Variants in DTNB observed in about 807,000 individuals in gnomAD.
DTNB encodes the protein DTN-B.
In DTNB, 63 loss-of-function variants were observed where a neutral mutation model predicts 90.7. The ratio of observed to expected loss-of-function variants is 0.69; its 90% CI spans 0.57 to 0.86. The LOEUF (loss-of-function observed/expected upper bound fraction) is 0.86. DTNB is among the 40% of genes least tolerant of loss of function. DTNB has a pLI of 0.00. For synonymous variants in DTNB, 277 were observed against 286.7 expected (o/e 0.97, Z 0.34); for missense variants, 744 against 807.1 (o/e 0.92, Z 0.95).
At chr2:25,525,858 T>C (rs2076986771) in intron 9 of DTNB, among the ~76,000 whole-genome samples, 1 of 152,040 alleles carries the variant, frequency 6.6e-6, no homozygotes, top group South Asian at 2.1e-4. Flanking sequence ...CTGGAACCTC[T>C]GAAGGAGGGG....
intron 5 of DTNB, among the ~76,000 whole-genome samples, chr2:25,598,297 C>G (rs969401155): frequency 6.6e-6 from 1 of 152,078 alleles, no homozygotes; most frequent in South Asian, 2.1e-4. Context: ...ATAGAAATCA[C>G]TCTAGAATGG....
At chr2:25,608,766 T>C (rs2067710578) in intron 4 of DTNB, among the ~76,000 whole-genome samples, 1 of 152,092 alleles carries the variant, frequency 6.6e-6, no homozygotes, top group South Asian at 2.1e-4. Flanking sequence ...TTTCCACTAC[T>C]AAAGTACAAA....
intron 19 of DTNB, among the ~76,000 whole-genome samples, chr2:25,381,318 T>C (rs903402701): frequency 6.6e-6 from 1 of 152,238 alleles, no homozygotes; most frequent in Non-Finnish European, 1.5e-5. Context: ...GGTAAGTCAA[T>C]TGTTTCTACA....
At chr2:25,379,243 G>C in intron 20 of DTNB, 47 bp downstream of exon 20, 1 of 1,304,152 alleles carries the variant, frequency 7.7e-7, no homozygotes, top group East Asian at 2.9e-5. Flanking sequence ...AAGATGCTGA[G>C]GAAGGAGGGA....
At chr2:25,448,472 C>A (rs890148694) in intron 12 of DTNB, among the ~76,000 whole-genome samples, 1 of 152,186 alleles carries the variant, frequency 6.6e-6, no homozygotes, top group Non-Finnish European at 1.5e-5. Flanking sequence ...CACTGCAAAT[C>A]CCTGGGGAGC....
chr2:25,412,583 A>G (rs147147921), intron 16 of DTNB, among the ~76,000 whole-genome samples: 1 of 152,366 alleles, frequency 6.6e-6, no homozygotes, highest in East Asian at 1.9e-4. Flanking sequence ...ATGTTCTATT[A>G]AACATATATA....
At chr2:25,419,595 T>C in intron 15 of DTNB, 60 bp from the exon 16 acceptor site, 1 of 1,542,194 alleles carries the variant, frequency 6.5e-7, no homozygotes, top group Non-Finnish European at 8.8e-7. Flanking sequence ...TTAATGCCCA[T>C]TAATGCCCAT....
chr2:25,536,444 G>A (rs2079784659), intron 8 of DTNB, among the ~76,000 whole-genome samples: 1 of 152,148 alleles, frequency 6.6e-6, no homozygotes, highest in Non-Finnish European at 1.5e-5. Context: ...AACTCCGTCT[G>A]CAATCCCAGC....
At chr2:25,423,838 T>C (rs2050644467) in intron 15 of DTNB, among the ~76,000 whole-genome samples, 1 of 152,062 alleles carries the variant, frequency 6.6e-6, no homozygotes, top group South Asian at 2.1e-4. Flanking sequence ...TTTTGTATTT[T>C]TGGTAGAGAT....
chr2:25,455,282 G>C (rs1050048372), intron 11 of DTNB, 123 bp downstream of exon 11: 2 of 845,618 alleles, frequency 2.4e-6, no homozygotes, highest in Non-Finnish European at 3.6e-6. Flanking sequence ...GCCAAACATA[G>C]CTGGTAGCTG....
intron 9 of DTNB, among the ~76,000 whole-genome samples, chr2:25,526,395 A>ATTTTTT (rs1245672956): frequency 1.2e-4 from 6 of 49,816 alleles, no homozygotes; most frequent in African/African-American, 4.9e-4. Context: ...ATATATATAT[A>ATTTTTT]TTTTTTTTTT....
chr2:25,482,594 T>G (rs1299013267), intron 10 of DTNB, among the ~76,000 whole-genome samples: 11 of 147,466 alleles, frequency 7.5e-5, no homozygotes, highest in Admixed American at 6.8e-4. Context: ...CAAACTTCAG[T>G]TGCTATATTT....
chr2:25,400,135 G>GA (rs1015546254), intron 16 of DTNB, among the ~76,000 whole-genome samples: 12 of 152,220 alleles, frequency 7.9e-5, no homozygotes, highest in Admixed American at 2.6e-4. Context: ...GAAAGAGTCT[G>GA]AAATAAGGTC....
chr2:25,616,801 A>G (rs1352002760), intron 4 of DTNB, among the ~76,000 whole-genome samples: 1 of 151,348 alleles, frequency 6.6e-6, no homozygotes, highest in Non-Finnish European at 1.5e-5. Context: ...GCGTGGTGGC[A>G]GGGGCCTGTA....
chr2:25,382,519 CTTTTTTTTTT>C (rs3041261), intron 19 of DTNB, among the ~76,000 whole-genome samples: 16 of 72,052 alleles, frequency 2.2e-4, no homozygotes, highest in South Asian at 7.3e-4. Flanking sequence ...AGTTCTCTGC[CTTTTTTTTTT>C]TTTTTTTTTT....
intron 8 of DTNB, among the ~76,000 whole-genome samples, chr2:25,552,492 G>A (rs1408358355): frequency 6.6e-6 from 1 of 152,112 alleles, no homozygotes; most frequent in African/African-American, 2.4e-5. Context: ...ACTGGCCCTG[G>A]GCCCCTCACA....
chr2:25,377,463 G>C lies in DTNB; in HGVS notation c.*120C>G, dbSNP rs2036114927. 1 of 152,826 alleles carries C rather than the reference G, an allele frequency of 6.5e-6. No individual in the cohort carries two copies. The highest frequency in any genetic ancestry group is 2.4e-5 in the African/African-American group (1 of 41,470). The allele number at this position is 152,826 out of a possible 1,614,324, so 9.5% of individuals were successfully genotyped here. On this transcript the variant is annotated 3_prime_UTR_variant, in exon 21 of 21. Coordinates refer to ENST00000406818, the MANE Select transcript of DTNB (RefSeq NM_021907.5). ...CTGGCAGCCTGCAAGCCTGGTCCAG[G>C]TGTGCGGTGGAAAGATGGAGAGGAA... is the stretch of plus-strand genomic sequence containing the variant.
intron 9 of DTNB, among the ~76,000 whole-genome samples, chr2:25,506,677 C>A (rs1347668954): frequency 6.6e-6 from 1 of 151,896 alleles, no homozygotes; most frequent in Non-Finnish European, 1.5e-5. Flanking sequence ...CACATGTATT[C>A]CATAAAAATG....
intron 6 of DTNB, among the ~76,000 whole-genome samples, chr2:25,592,159 G>A (rs2063709024): frequency 6.6e-6 from 1 of 150,588 alleles, no homozygotes; most frequent in African/African-American, 2.4e-5. Context: ...TTTCCCTCCA[G>A]CCTTCATTAT....
Sources: allele counts gnomAD v4.1 joint callset (sites outside exome capture counted in the v4.1 genomes callset), GRCh38; gene constraint gnomAD v4.1.1; transcripts MANE v1.5; gene names NCBI Gene and HGNC (gene_info 2026-07-23, HGNC 2026-07-21).